The following FLT1 variants were observed in gnomAD, a reference collection of about 807,000 sequenced individuals.
FLT1 encodes the protein vascular endothelial growth factor receptor 1.
A neutral mutation model predicts 156.3 loss-of-function variants in FLT1; 49 were observed. That is an observed-to-expected ratio of 0.31 (90% confidence interval 0.25 to 0.40). The LOEUF (loss-of-function observed/expected upper bound fraction) is 0.40. Ranked by LOEUF, FLT1 falls within the 10% of genes least tolerant of loss-of-function variation. The pLI is 1.00. For synonymous variants in FLT1, 594 were observed against 583.8 expected, an observed-to-expected ratio of 1.02 and a Z score of -0.25; for missense variants, 1,322 against 1,637.2, an observed-to-expected ratio of 0.81 and a Z score of 3.32.
rs562404476 is a variant in FLT1, at chr13:28,434,930, C to T, written c.514-710G>A. 9.2e-5 allele frequency among the ~76,000 whole-genome samples: 14 copies of T among 152,252 alleles called. No individual in the cohort carries two copies. In the South Asian group the frequency reaches 2.7e-3, roughly 29 times the overall value. Reference sequence around the variant, plus strand: ...TAGCATTTTTTTTCTACCGGGGCTGCCAGATTATTCTCATTTGTTTTCATC... The same window carrying T: ...TAGCATTTTTTTTCTACCGGGGCTGTCAGATTATTCTCATTTGTTTTCATC... On this transcript the variant is annotated intron_variant, in intron 4 of 29. Coordinates refer to ENST00000282397, the MANE Select transcript of FLT1 (RefSeq NM_002019.4).
intron 3 of FLT1, among the ~76,000 whole-genome samples, chr13:28,461,880 G>A (rs991256012): frequency 6.6e-6 from 1 of 152,112 alleles, no homozygotes; most frequent in Non-Finnish European, 1.5e-5. Context: ...ATGCATATGG[G>A]AAAATCAACT....
chr13:28,329,583 G>C (rs1403950082), intron 19 of FLT1, 32 bp downstream of exon 19: 1 of 1,448,228 alleles, frequency 6.9e-7, no homozygotes, highest in Non-Finnish European at 9.7e-7. Flanking sequence ...TGTGCAGGGG[G>C]AGACGGAGCC....
At chr13:28,451,798 T>A (rs990724264) in intron 3 of FLT1, among the ~76,000 whole-genome samples, 1 of 152,136 alleles carries the variant, frequency 6.6e-6, no homozygotes, top group Non-Finnish European at 1.5e-5. Flanking sequence ...AAACTCGCGA[T>A]TTGTTATGCA....
intron 3 of FLT1, among the ~76,000 whole-genome samples, chr13:28,440,084 T>TAGCC (rs1450993377): frequency 6.6e-6 from 1 of 152,170 alleles, no homozygotes; most frequent in Non-Finnish European, 1.5e-5. Context: ...GAAGCCTTGC[T>TAGCC]AGCCCCCTTC....
At chr13:28,385,374 C>A (rs918791192) in intron 13 of FLT1, among the ~76,000 whole-genome samples, 2 of 152,114 alleles carry the variant, frequency 1.3e-5, no homozygotes, top group Non-Finnish European at 2.9e-5. Context: ...AGCTATAAAT[C>A]AAAAACATGA....
intron 29 of FLT1, among the ~76,000 whole-genome samples, chr13:28,306,270 G>T (rs1391845577): frequency 2.6e-5 from 4 of 152,178 alleles, no homozygotes; most frequent in Admixed American, 6.5e-5. Context: ...CAGGGTACAG[G>T]TCTTAGCCCC....
At chr13:28,467,239 G>A in intron 2 of FLT1, 110 bp from the exon 3 acceptor site, 2 of 839,278 alleles carry the variant, frequency 2.4e-6, no homozygotes, top group South Asian at 1.3e-5. Flanking sequence ...CTTAAGTGTA[G>A]TCATCTTCCT....
chr13:28,351,992 T>G (rs534223509), intron 15 of FLT1, among the ~76,000 whole-genome samples: 2 of 152,324 alleles, frequency 1.3e-5, no homozygotes, highest in South Asian at 4.1e-4. Flanking sequence ...AGCATGCCCA[T>G]TTTACAATGA....
intron 28 of FLT1, 22 bp from the exon 29 acceptor site, chr13:28,306,794 T>TTA (rs1870771671): frequency 6.4e-7 from 1 of 1,552,752 alleles, no homozygotes; most frequent in African/African-American, 1.4e-5. Context: ...AGGAGAAAGG[T>TTA]TATACTCTTG....
At chr13:28,351,027 T>C (rs939821575) in intron 15 of FLT1, among the ~76,000 whole-genome samples, 14 of 152,156 alleles carry the variant, frequency 9.2e-5, no homozygotes, top group African/African-American at 3.4e-4. Flanking sequence ...CTTTTTTTTT[T>C]CCTTATCACT....
chr13:28,408,632 A>AG (rs1436221462), intron 10 of FLT1, among the ~76,000 whole-genome samples: 1 of 152,098 alleles, frequency 6.6e-6, no homozygotes, highest in Non-Finnish European at 1.5e-5. Flanking sequence ...AACTGTCTTG[A>AG]GGGGGGAGGA....
intron 3 of FLT1, among the ~76,000 whole-genome samples, chr13:28,459,692 T>C (rs1879456278): frequency 6.6e-6 from 1 of 152,266 alleles, no homozygotes; most frequent in South Asian, 2.1e-4. Flanking sequence ...GTTTTCTTCC[T>C]GCAAAATGTA....
chr13:28,492,250 T>C (rs2137677596), intron 1 of FLT1, among the ~76,000 whole-genome samples: 1 of 152,310 alleles, frequency 6.6e-6, no homozygotes, highest in South Asian at 2.1e-4. Flanking sequence ...ATTTCAGTAT[T>C]TCCACTTAGT....
chr13:28,419,597 C>T (rs1053833609), intron 10 of FLT1, among the ~76,000 whole-genome samples: 7 of 152,090 alleles, frequency 4.6e-5, no homozygotes, highest in African/African-American at 1.2e-4. Context: ...AACCATCCAG[C>T]GGCCGGGTGC....
chr13:28,339,107 G>T, intron 17 of FLT1, 61 bp downstream of exon 17: 1 of 1,516,548 alleles, frequency 6.6e-7, no homozygotes, highest in Non-Finnish European at 9.1e-7. Context: ...TCAAAGCACA[G>T]TGTTTTTCAT....
chr13:28,330,606 ATC>A (rs1026477369), intron 18 of FLT1, among the ~76,000 whole-genome samples: 1 of 136,688 alleles, frequency 7.3e-6, no homozygotes, highest in African/African-American at 2.6e-5. Flanking sequence ...ATATATATAT[ATC>A]ATATATATAT....
intron 1 of FLT1, among the ~76,000 whole-genome samples, chr13:28,473,827 A>AAGGAAGG (rs1566050937): frequency 1.7e-5 from 2 of 115,554 alleles, no homozygotes; most frequent in Admixed American, 9.4e-5. Context: ...AGAAAGAAAG[A>AAGGAAGG]AAGAAAGAAA....
At chr13:28,371,018 A>G (rs1873539213) in intron 14 of FLT1, among the ~76,000 whole-genome samples, 1 of 152,228 alleles carries the variant, frequency 6.6e-6, no homozygotes, top group Non-Finnish European at 1.5e-5. Context: ...GGGAATACAA[A>G]TCATATTACA....
At chr13:28,470,636 C>T (rs1405872690) in intron 1 of FLT1, among the ~76,000 whole-genome samples, 1 of 152,142 alleles carries the variant, frequency 6.6e-6, no homozygotes, top group African/African-American at 2.4e-5. Flanking sequence ...TCAGAGGAAA[C>T]CGCTAACTTC....
Sources: gnomAD v4.1 joint callset for allele counts (sites outside exome capture counted in the v4.1 genomes callset) on GRCh38, gnomAD v4.1.1 for gene constraint, MANE v1.5 for transcripts, NCBI Gene and HGNC (gene_info 2026-07-23, HGNC 2026-07-21) for gene names.